Variants in BMAL1 observed in about 807,000 individuals in gnomAD.
The protein encoded by BMAL1 is basic helix-loop-helix ARNT like 1.
At chr11:13,378,558 GGGTGGGA>G in the BMAL1 span, 1 of 1,434,712 alleles carries the variant, frequency 7.0e-7, no homozygotes. Context: ...CTTCACAACT[GGGTGGGA>G]GGTTGCTACT....
At chr11:13,303,802 G>T in the BMAL1 span, among the ~76,000 whole-genome samples, 4 of 152,324 alleles carry the variant, frequency 2.6e-5, no homozygotes, top group East Asian at 7.7e-4. Flanking sequence ...TCAGTCACAT[G>T]TTCACTCCTG....
the BMAL1 span, among the ~76,000 whole-genome samples, chr11:13,375,383 A>G: frequency 1.3e-5 from 2 of 152,210 alleles, no homozygotes; most frequent in Non-Finnish European, 2.9e-5. Flanking sequence ...TAGAGCCTCA[A>G]TTTTACAGAC....
chr11:13,351,114 C>T, the BMAL1 span, among the ~76,000 whole-genome samples: 3 of 152,078 alleles, frequency 2.0e-5, no homozygotes, highest in Non-Finnish European at 4.4e-5. Flanking sequence ...CAAAACATTA[C>T]GTAGGTGGCT....
At chr11:13,354,552 G>GGAAT in the BMAL1 span, 2 of 1,460,902 alleles carry the variant, frequency 1.4e-6, no homozygotes, top group Non-Finnish European at 1.8e-6. Flanking sequence ...AAAGGGGATG[G>GGAAT]GAATAAAAAA....
chr11:13,322,628 A>G, the BMAL1 span, among the ~76,000 whole-genome samples: 2 of 152,128 alleles, frequency 1.3e-5, no homozygotes, highest in African/African-American at 4.8e-5. Flanking sequence ...GACCTCAAGA[A>G]GCTTACAGGG....
At chr11:13,284,128 GTATA>G in the BMAL1 span, among the ~76,000 whole-genome samples, 26 of 58,848 alleles carry the variant, frequency 4.4e-4, 1 homozygote, top group African/African-American at 1.2e-3. Context: ...ATGTGTGTGT[GTATA>G]TATATATATA....
the BMAL1 span, among the ~76,000 whole-genome samples, chr11:13,366,462 A>C: frequency 6.6e-6 from 1 of 152,204 alleles, no homozygotes; most frequent in Admixed American, 6.5e-5. Flanking sequence ...TTTTCCCGTC[A>C]TGTTATCAAA....
chr11:13,346,384 G>C, the BMAL1 span, among the ~76,000 whole-genome samples: 7 of 152,312 alleles, frequency 4.6e-5, no homozygotes, highest in African/African-American at 1.7e-4. Context: ...GGAAAGGAGA[G>C]AGTCACTTGG....
At chr11:13,381,129 A>G in the BMAL1 span, 5 of 1,606,716 alleles carry the variant, frequency 3.1e-6, no homozygotes, top group Non-Finnish European at 4.3e-6. Flanking sequence ...CACTGAAAAA[A>G]GAAAAGGCAG....
the BMAL1 span, among the ~76,000 whole-genome samples, chr11:13,364,842 T>C: frequency 1.3e-5 from 2 of 152,308 alleles, no homozygotes; most frequent in Non-Finnish European, 2.9e-5. Context: ...TGAATGCAAA[T>C]AGTCCGGCCC....
chr11:13,309,631 C>T, the BMAL1 span, among the ~76,000 whole-genome samples: 1 of 152,034 alleles, frequency 6.6e-6, no homozygotes, highest in Non-Finnish European at 1.5e-5. Context: ...TCTAAGTGCC[C>T]GTAGTGTTCT....
At chr11:13,372,333 G>T in the BMAL1 span, 1 of 1,614,196 alleles carries the variant, frequency 6.2e-7, no homozygotes, top group South Asian at 1.1e-5. Context: ...ACCAGTGAAC[G>T]GGGAAATCAG....
the BMAL1 span, among the ~76,000 whole-genome samples, chr11:13,364,170 G>T: frequency 3.9e-5 from 6 of 152,196 alleles, no homozygotes; most frequent in Non-Finnish European, 7.3e-5. Context: ...TACCCTATTT[G>T]TTGACAGAAT....
the BMAL1 span, among the ~76,000 whole-genome samples, chr11:13,331,921 G>A: frequency 1.3e-5 from 2 of 152,200 alleles, no homozygotes; most frequent in Non-Finnish European, 2.9e-5. Context: ...GGATACCAAA[G>A]GCCAGCGGTT....
At chr11:13,369,913 C>T in the BMAL1 span, 9 of 1,029,748 alleles carry the variant, frequency 8.7e-6, no homozygotes, top group Non-Finnish European at 1.1e-5. Flanking sequence ...GCAGTCCTCC[C>T]TATGTGTAGG....
At chr11:13,357,092 G>T in the BMAL1 span, 1 of 1,614,082 alleles carries the variant, frequency 6.2e-7, no homozygotes, top group Admixed American at 1.7e-5. The surrounding 1 kb of genome is among the most constrained non-coding windows in gnomAD (Gnocchi z 4.8). Flanking sequence ...GATAAAAAAT[G>T]CAAGGTAAGC....
chr11:13,308,047 T>C, the BMAL1 span, among the ~76,000 whole-genome samples: 1 of 152,142 alleles, frequency 6.6e-6, no homozygotes, highest in Non-Finnish European at 1.5e-5. Flanking sequence ...TAGGAGACTG[T>C]CGCAGCAATC....
the BMAL1 span, among the ~76,000 whole-genome samples, chr11:13,295,496 G>T: frequency 6.6e-6 from 1 of 152,172 alleles, no homozygotes; most frequent in Non-Finnish European, 1.5e-5. Context: ...GGCTCCTTCT[G>T]TGTCCTCTGG....
chr11:13,297,796 A>G, the BMAL1 span, among the ~76,000 whole-genome samples: 3 of 152,170 alleles, frequency 2.0e-5, no homozygotes, highest in African/African-American at 7.2e-5. Context: ...CTTGAGCCTC[A>G]ATCTCTTATT....
Sources: allele counts gnomAD v4.1 joint callset (sites outside exome capture counted in the v4.1 genomes callset), GRCh38; gene constraint gnomAD v4.1.1; non-coding constraint Gnocchi (gnomAD v3.1); transcripts MANE v1.5; gene names NCBI Gene and HGNC (gene_info 2026-07-23, HGNC 2026-07-21).